Variants in DPF3 observed in about 807,000 individuals in gnomAD.
The protein encoded by DPF3 is zinc finger protein DPF3.
In DPF3, 18 loss-of-function variants were observed where a neutral mutation model predicts 56.8. That is an observed-to-expected ratio of 0.32 (90% CI 0.22 to 0.47). The LOEUF (loss-of-function observed/expected upper bound fraction) is 0.47. Among genes scored for constraint, DPF3 ranks in the 20% least tolerant of loss-of-function variants. The pLI is 1.00. For synonymous variants in DPF3, 188 were observed against 180.2 expected (o/e 1.04, Z -0.35); for missense variants, 403 against 488.8 (o/e 0.82, Z 1.65).
intron 1 of DPF3, among the ~76,000 whole-genome samples, chr14:72,783,918 A>T (rs1892099233): frequency 1.3e-5 from 2 of 152,058 alleles, no homozygotes; most frequent in Admixed American, 1.3e-4. Context: ...GGGCTGCTTG[A>T]CAGGAAATCA....
chr14:72,874,076 A>AAG (rs1397865990), intron 1 of DPF3, among the ~76,000 whole-genome samples: 2 of 151,542 alleles, frequency 1.3e-5, no homozygotes, highest in Non-Finnish European at 2.9e-5. Flanking sequence ...GTATGATAAA[A>AAG]AAAAAAAGAA....
chr14:72,789,929 T>C (rs908316045), intron 1 of DPF3, among the ~76,000 whole-genome samples: 3 of 152,146 alleles, frequency 2.0e-5, no homozygotes, highest in African/African-American at 4.8e-5. Context: ...TCTTTTTCCA[T>C]CACTCTGGCA....
At chr14:72,887,883 T>C (rs1886609127) in intron 1 of DPF3, among the ~76,000 whole-genome samples, 1 of 152,094 alleles carries the variant, frequency 6.6e-6, no homozygotes, top group South Asian at 2.1e-4. Context: ...CAATAGCAGG[T>C]GAAAGTGTGA....
chr14:72,703,701 C>A (rs1052175826), intron 6 of DPF3, among the ~76,000 whole-genome samples: 3 of 152,150 alleles, frequency 2.0e-5, no homozygotes, highest in African/African-American at 7.2e-5. Flanking sequence ...AAAACAAGGG[C>A]AATAACAGTT....
chr14:72,621,042 G>C (rs1432549073), intron 9 of DPF3, among the ~76,000 whole-genome samples: 1 of 151,836 alleles, frequency 6.6e-6, no homozygotes, highest in Non-Finnish European at 1.5e-5. Flanking sequence ...TCAGGAGGCT[G>C]AGGCAGGAGA....
chr14:72,798,432 A>T (rs1398316974), intron 1 of DPF3, among the ~76,000 whole-genome samples: 1 of 152,168 alleles, frequency 6.6e-6, no homozygotes, highest in Non-Finnish European at 1.5e-5. Context: ...ATACATACAT[A>T]CATACATGTA....
intron 1 of DPF3, among the ~76,000 whole-genome samples, chr14:72,815,429 T>C (rs1484215403): frequency 6.6e-6 from 1 of 152,272 alleles, no homozygotes; most frequent in Non-Finnish European, 1.5e-5. Flanking sequence ...AGTTTGGCAA[T>C]TTCTTTTAAA....
intron 8 of DPF3, among the ~76,000 whole-genome samples, chr14:72,639,650 G>A (rs999715605): frequency 6.6e-6 from 1 of 152,110 alleles, no homozygotes; most frequent in Non-Finnish European, 1.5e-5. Flanking sequence ...ACCCACACGT[G>A]TGGGCTTGGA....
chr14:72,651,811 C>T (rs1290101237), intron 8 of DPF3, among the ~76,000 whole-genome samples: 1 of 152,286 alleles, frequency 6.6e-6, no homozygotes, highest in South Asian at 2.1e-4. Context: ...GTGGTAGGGT[C>T]CCACAGAGCT....
chr14:72,859,295 A>C (rs1197419076), intron 1 of DPF3, among the ~76,000 whole-genome samples: 2 of 152,092 alleles, frequency 1.3e-5, no homozygotes, highest in Non-Finnish European at 2.9e-5. Flanking sequence ...AATTTTCCAT[A>C]CTATACAGTA....
intron 1 of DPF3, among the ~76,000 whole-genome samples, chr14:72,821,358 G>A (rs1381192379): frequency 6.6e-6 from 1 of 152,016 alleles, no homozygotes; most frequent in Non-Finnish European, 1.5e-5. Context: ...AGAGGCAGGA[G>A]GATAGCTTAA....
At chr14:72,800,248 G>A (rs747337157) in intron 1 of DPF3, among the ~76,000 whole-genome samples, 5 of 152,224 alleles carry the variant, frequency 3.3e-5, no homozygotes, top group Non-Finnish European at 7.3e-5. Context: ...GAATGCTACA[G>A]ATGGCAGCTC....
intron 4 of DPF3, among the ~76,000 whole-genome samples, chr14:72,724,708 TTTG>T (rs1250949836): frequency 2.7e-5 from 3 of 109,326 alleles, no homozygotes; most frequent in African/African-American, 7.9e-5. Flanking sequence ...GGGGTTTTTG[TTTG>T]TTTTTTTTTT....
intron 1 of DPF3, among the ~76,000 whole-genome samples, chr14:72,877,129 C>T (rs1210389535): frequency 6.6e-6 from 1 of 152,204 alleles, no homozygotes; most frequent in Non-Finnish European, 1.5e-5. Flanking sequence ...GGTGCAAACT[C>T]AGGGCTCTGA....
chr14:72,864,058 T>C (rs150828766), intron 1 of DPF3, among the ~76,000 whole-genome samples: 2 of 152,272 alleles, frequency 1.3e-5, no homozygotes, highest in Non-Finnish European at 2.9e-5. Flanking sequence ...AATGTTGGTC[T>C]AGGGAGTCTG....
At chr14:72,800,695 T>C (rs1190050236) in intron 1 of DPF3, among the ~76,000 whole-genome samples, 1 of 152,080 alleles carries the variant, frequency 6.6e-6, no homozygotes, top group Non-Finnish European at 1.5e-5. Context: ...GATGCATGAA[T>C]GGACGGATGC....
chr14:72,826,937 G>C (rs903883777), intron 1 of DPF3, among the ~76,000 whole-genome samples: 18 of 152,090 alleles, frequency 1.2e-4, no homozygotes, highest in South Asian at 2.1e-4. Flanking sequence ...AGCTACTCGG[G>C]AGGCTGAGGC....
chr14:72,892,417 G>A (rs1334482621), intron 1 of DPF3: 1 of 1,490,200 alleles, frequency 6.7e-7, no homozygotes, highest in Non-Finnish European at 8.9e-7. Flanking sequence ...CTGAAGCCAG[G>A]AGCTCCTATC....
At chr14:72,716,223 G>T (rs1888923137) in intron 5 of DPF3, among the ~76,000 whole-genome samples, 1 of 152,120 alleles carries the variant, frequency 6.6e-6, no homozygotes, top group Non-Finnish European at 1.5e-5. Context: ...CTGCCAGCAG[G>T]AAAGGGAGGG....
Sources: gnomAD v4.1 joint callset for allele counts (sites outside exome capture counted in the v4.1 genomes callset) on GRCh38, gnomAD v4.1.1 for gene constraint, MANE v1.5 for transcripts, NCBI Gene and HGNC (gene_info 2026-07-23, HGNC 2026-07-21) for gene names.